Variants in LTBP4 observed in about 807,000 individuals in gnomAD.
LTBP4 encodes the protein latent-transforming growth factor beta-binding protein 4.
Under a neutral mutation model 180.2 loss-of-function variants are expected in LTBP4, and 93 were observed. The observed-to-expected ratio is 0.52, with a 90% CI of 0.44 to 0.61. The LOEUF is 0.61. Ranked by LOEUF, LTBP4 falls within the 20% of genes least tolerant of loss-of-function variation. LTBP4 has a pLI of 0.00. For missense variants in LTBP4, 2,116 were observed against 2,256.5 expected (o/e 0.94, Z 1.26); for synonymous variants, 947 against 934.5 (o/e 1.01, Z -0.24).
rs2081659576 is a variant in LTBP4 at position 40,629,281 on chromosome 19, T to C, written c.4520-115T>C. 2.9e-6 allele frequency: 4 copies of C among 1,382,190 alleles called. No individual in the cohort carries two copies. Among genetic ancestry groups the C allele is most frequent in the South Asian group, 1.2e-5 (1 of 85,168 alleles). 85.6% of individuals were successfully genotyped at this position (1,382,190 alleles called of 1,614,324 possible). ...CAGTTAGCAGATGGCAGAGGCCAGATTGGACTCCAAACTGCTCAGCATCTG... is the reference window on the plus strand; with the variant it reads ...CAGTTAGCAGATGGCAGAGGCCAGACTGGACTCCAAACTGCTCAGCATCTG... On this transcript the variant is annotated intron_variant, in intron 29 of 29. Coordinates refer to ENST00000396819, the MANE Select transcript of LTBP4 (RefSeq NM_001042545.2). The surrounding 1 kb of genome is among the most constrained non-coding windows in gnomAD (Gnocchi z 4.5).
chr19:40,597,212 A>G, upstream of LTBP4: 1 of 1,454,688 alleles, frequency 6.9e-7, no homozygotes, highest in Non-Finnish European at 9.0e-7. Flanking sequence ...GCCCGCCCGG[A>G]GCGGGACTCG....
chr19:40,611,887 A>G lies in LTBP4; in HGVS notation c.2082A>G (p.Pro694=), dbSNP rs1427720290. 9 of 1,607,964 alleles carry G rather than the reference A, an allele frequency of 5.6e-6. No individual in the cohort carries two copies. Among genetic ancestry groups the G allele is most frequent in the Non-Finnish European group, 6.8e-6 (8 of 1,177,572 alleles). Residue 694 remains proline, a synonymous_variant, in exon 14 of 30, where the codon CCA becomes CCG. Transcript: ENST00000396819. This position sits in a 1 kb window ranked among gnomAD's most constrained non-coding sequence, Gnocchi z 4.4. ...QDVDECARSP[P]PCTYGRCENT... Reference sequence around the variant, plus strand: ...TGGATGAGTGTGCCCGAAGCCCCCCACCCTGCACCTACGGCCGGTGTGAGA... The same window carrying G: ...TGGATGAGTGTGCCCGAAGCCCCCCGCCCTGCACCTACGGCCGGTGTGAGA...
chr19:40,619,411 C>T lies in LTBP4; in HGVS notation c.3135C>T (p.Gly1045=). The change falls in exon 22 of 30, where the codon GGC becomes GGT. Residue 1045 remains glycine (G), a synonymous_variant. Transcript: ENST00000396819. ...CTGCCCTGTGTGAAAATGTCGAAGGCTCCTTCCTCTGTGTCTGCCCCAACA... is the reference window on the plus strand; with the variant it reads ...CTGCCCTGTGTGAAAATGTCGAAGGTTCCTTCCTCTGTGTCTGCCCCAACA... ...CGAALCENVE[G]SFLCVCPNSP... is the part of the protein sequence containing the mutation. 3 of 1,613,898 alleles carry T rather than the reference C, an allele frequency of 1.9e-6. No homozygotes were observed. Among genetic ancestry groups the T allele is most frequent in the Non-Finnish European group, 2.5e-6 (3 of 1,179,862 alleles).
chr19:40,594,489 G>A (rs1390797120), intron 1 of LTBP4: 1 of 152,140 alleles, frequency 6.6e-6, no homozygotes, highest in African/African-American at 2.4e-5. Context: ...CATTGAAGAT[G>A]CGCTGGATCC....
upstream of LTBP4, among the ~76,000 whole-genome samples, chr19:40,597,710 G>A (rs2081398562): frequency 6.6e-6 from 1 of 151,966 alleles, no homozygotes; most frequent in Non-Finnish European, 1.5e-5. Context: ...TGGGGTCTTC[G>A]AGCTAGGATG....
In LTBP4 at chr19:40,622,551, C is replaced by T. The variant is rs369221693; in HGVS notation, c.3368C>T (p.Pro1123Leu). The change falls in exon 23 of 30, where the codon CCG (proline) becomes CTG (leucine). Residue 1123 changes from proline (P) to leucine (L), a missense_variant. Physicochemically the swap from Pro to Leu is moderately conservative, Grantham distance 98. This residue lies in a region of LTBP4 where 278 missense variants were observed against 373.0 expected (regional missense o/e 0.75). Coordinates refer to ENST00000396819, the MANE Select transcript of LTBP4 (RefSeq NM_001042545.2). The surrounding 1 kb of genome is among the most constrained non-coding windows in gnomAD (Gnocchi z 5.1). ...RRECYFDTAA[P>L]DACDNILARN... ...GAGTGCTACTTTGACACAGCGGCCC[C>T]GGATGCATGTGACAACATCCTGGCT... 5.1e-5 allele frequency: 82 copies of T among 1,613,718 alleles called. No individual in the cohort carries two copies. Among genetic ancestry groups the T allele is most frequent in the Admixed American group, 3.5e-4 (21 of 59,984 alleles).
chr19:40,598,007 C>A (rs1263903685), upstream of LTBP4, among the ~76,000 whole-genome samples: 1 of 152,028 alleles, frequency 6.6e-6, no homozygotes, highest in Admixed American at 6.6e-5. Flanking sequence ...AATGAGGCTC[C>A]AGTGATTTCA....
Position 40,610,687 on chromosome 19 carries a change from G to C in LTBP4, c.1810+30G>C, listed in dbSNP as rs764039510. The C allele has an allele frequency of 1.0e-5, 16 of 1,563,034 alleles. No homozygotes were observed. In the Middle Eastern group the frequency reaches 5.1e-4, roughly 50 times the overall value. The stretch of plus-strand genomic sequence containing the variant: ...GGGCCTGGGAGGGGCAGCTGGGAAG[G>C]GGTGTGAGCGGTTGGGTAGAGCGCA... On this transcript the variant is annotated intron_variant, in intron 12 of 29. Coordinates refer to ENST00000396819, the MANE Select transcript of LTBP4 (RefSeq NM_001042545.2).
In LTBP4 at chr19:40,609,876, G is replaced by T. The variant is rs1283275212; in HGVS notation, c.1684+5G>T. 5.2e-6 allele frequency: 8 copies of T among 1,544,934 alleles called. No homozygotes were observed. The highest frequency in any genetic ancestry group is 7.0e-6 in the Non-Finnish European group (8 of 1,143,178). Reference sequence around the variant, plus strand: ...CACGGGCTGCGGAATGCCTGGGTGAGAAATTTGCCCCACCCGGCTCCAGGC... The same window carrying T: ...CACGGGCTGCGGAATGCCTGGGTGATAAATTTGCCCCACCCGGCTCCAGGC... On this transcript the variant is annotated splice_donor_5th_base_variant and intron_variant, in intron 11 of 29. Transcript: ENST00000396819. This position sits in a 1 kb window ranked among gnomAD's most constrained non-coding sequence, Gnocchi z 4.9.
In LTBP4 at chr19:40,601,615, G is replaced by C; in HGVS notation, c.228G>C (p.Pro76=). The change falls in exon 1 of 30, where the codon CCG becomes CCC. Residue 76 remains proline (P), a synonymous_variant. Transcript: ENST00000396819. ...VDSGAPGGAA[P]GGPGFRAFLC... The stretch of plus-strand genomic sequence containing the variant: ...GCGGCGCTCCCGGCGGGGCGGCCCC[G>C]GGGGGACCCGGCTTCCGCGCCTGTG... 1 of 1,375,672 alleles carries C rather than the reference G, an allele frequency of 7.3e-7. No homozygotes were observed. Among genetic ancestry groups the C allele is most frequent in the African/African-American group, 1.5e-5 (1 of 65,512 alleles). 85.2% of individuals were successfully genotyped at this position (1,375,672 alleles called of 1,614,324 possible). A position where few individuals can be genotyped will look rare whatever the true frequency, so the allele number is the denominator to read the frequency against.
In LTBP4 at chr19:40,601,491, G is replaced by C; in HGVS notation, c.104G>C (p.Arg35Pro). 6.7e-7 allele frequency: 1 copy of C among 1,494,960 alleles called. No individual in the cohort carries two copies. Among genetic ancestry groups the C allele is most frequent in the Non-Finnish European group, 8.9e-7 (1 of 1,128,900 alleles). 92.6% of individuals were successfully genotyped at this position (1,494,960 alleles called of 1,614,324 possible). Residue 35 changes from arginine (R) to proline (P), a missense_variant, in exon 1 of 30, where the codon CGC (arginine) becomes CCC (proline). Around this residue, in one of 5 missense-constraint regions of LTBP4, gnomAD observed 469 missense variants for 532.5 expected, o/e 0.88. Transcript: ENST00000396819. ...CGGCTCGGAGAGCGTCTCCGCGTGC[G>C]CTTCACCCCGGTCGTGTGCGGCCTG... ...LGRLGERLRV[R>P]FTPVVCGLRC...
In LTBP4 at chr19:40,608,277, T is replaced by C. The variant is rs755690367; in HGVS notation, c.1214T>C (p.Leu405Pro). 4.3e-6 allele frequency: 7 copies of C among 1,613,856 alleles called. No homozygotes were observed. The highest frequency in any genetic ancestry group is 5.9e-6 in the Non-Finnish European group (7 of 1,179,858). ...GPGYHYSASDLRYNTRPLGQE... is the reference protein window; with the variant it reads ...GPGYHYSASDPRYNTRPLGQE... ...GGTTACCACTACTCGGCCTCCGACCTCCGCTACAACACCAGACCCCTGGGC... is the reference window on the plus strand; with the variant it reads ...GGTTACCACTACTCGGCCTCCGACCCCCGCTACAACACCAGACCCCTGGGC... Residue 405 changes from leucine (L) to proline (P), a missense_variant, in exon 8 of 30, where the codon CTC becomes CCC. By Grantham distance (98) the Leu-to-Pro change is moderately conservative. This residue lies in a region of LTBP4 where 877 missense variants were observed against 873.6 expected (regional missense o/e 1.00). Coordinates refer to ENST00000396819, the MANE Select transcript of LTBP4 (RefSeq NM_001042545.2).
rs1157306249 is a variant in LTBP4, at chr19:40,613,801, C to T, written c.2558-115C>T. 12 of 1,468,294 alleles carry T rather than the reference C, an allele frequency of 8.2e-6. No homozygotes were observed. The highest frequency in any genetic ancestry group is 1.1e-5 in the Non-Finnish European group (12 of 1,072,354). 91.0% of individuals were successfully genotyped at this position (1,468,294 alleles called of 1,614,324 possible). A position where few individuals can be genotyped will look rare whatever the true frequency, so the allele number is the denominator to read the frequency against. On this transcript the variant is annotated intron_variant, in intron 17 of 29. Transcript: ENST00000396819. The surrounding 1 kb of genome is among the most constrained non-coding windows in gnomAD (Gnocchi z 5.0). ...TTGCAGGGAGGGAAGTAGCGTGAGGCAGGTTGGGGAAGGCGTGAGAGGCCT... is the reference window on the plus strand; with the variant it reads ...TTGCAGGGAGGGAAGTAGCGTGAGGTAGGTTGGGGAAGGCGTGAGAGGCCT...
In LTBP4 at chr19:40,609,253, CAGGT is replaced by C. The variant is rs2081486820; in HGVS notation, c.1427-273_1427-270del. ...TATCTAATATTAGATAATTATTTCTCAGGTAGGGCACTAAGAATGTATCTCAGGC... is the reference window on the plus strand; with the variant it reads ...TATCTAATATTAGATAATTATTTCTCAGGGCACTAAGAATGTATCTCAGGC... On this transcript the variant is annotated intron_variant, in intron 9 of 29. Coordinates refer to ENST00000396819, the MANE Select transcript of LTBP4 (RefSeq NM_001042545.2). The surrounding 1 kb of genome is among the most constrained non-coding windows in gnomAD (Gnocchi z 4.9). Among the ~76,000 whole-genome samples, 1 of 152,056 alleles carries C rather than the reference CAGGT, an allele frequency of 6.6e-6. No individual in the cohort carries two copies. Among genetic ancestry groups the C allele is most frequent in the Admixed American group, 6.6e-5 (1 of 15,266 alleles).
In LTBP4 at chr19:40,611,255, G is replaced by A. The variant is rs769547604; in HGVS notation, c.1914G>A (p.Ser638=). ...TTTGCCCGGCTGGCTTCCGGGGCTCGGCGTGTGAAGAGGATGTGGATGAGT... is the reference window on the plus strand; with the variant it reads ...TTTGCCCGGCTGGCTTCCGGGGCTCAGCGTGTGAAGAGGATGTGGATGAGT... ...RCVCPAGFRG[S]ACEEDVDECA... Residue 638 remains serine, a synonymous_variant, in exon 13 of 30, where the codon TCG becomes TCA. Coordinates refer to ENST00000396819, the MANE Select transcript of LTBP4 (RefSeq NM_001042545.2). The surrounding 1 kb of genome is among the most constrained non-coding windows in gnomAD (Gnocchi z 4.4). The A allele has an allele frequency of 3.5e-5, 57 of 1,612,576 alleles. No homozygotes were observed. The highest frequency in any genetic ancestry group is 1.7e-4 in the Middle Eastern group (1 of 5,992).
rs2081423123 is a variant in LTBP4, at chr19:40,601,435, G to T, written c.48G>T (p.Leu16=). ...RLLWVSLLVL[L]AQLGPQPGLG... is the part of the protein sequence containing the mutation. ...TCTGGGTGTCGCTATTGGTGCTGCT[G>T]GCGCAGCTAGGGCCGCAGCCTGGAC... Residue 16 remains leucine (L), a synonymous_variant, in exon 1 of 30, where the codon CTG becomes CTT. Coordinates refer to ENST00000396819, the MANE Select transcript of LTBP4 (RefSeq NM_001042545.2). 8 of 1,457,792 alleles carry T rather than the reference G, an allele frequency of 5.5e-6. No individual in the cohort carries two copies. The highest frequency in any genetic ancestry group is 7.2e-6 in the Non-Finnish European group (8 of 1,107,550). 90.3% of individuals were successfully genotyped at this position (1,457,792 alleles called of 1,614,324 possible).
intron 19 of LTBP4, 45 bp from the exon 20 acceptor site, chr19:40,616,844 A>G (rs774313776): frequency 1.9e-6 from 3 of 1,608,558 alleles, no homozygotes; most frequent in Non-Finnish European, 2.5e-6. Context: ...AGAACTTCTG[A>G]ATTCAGGCCT....
chr19:40,601,273 GA>G (rs984019540), upstream of LTBP4: 1 of 828,592 alleles, frequency 1.2e-6, no homozygotes, highest in Non-Finnish European at 1.5e-6. Flanking sequence ...GAGTGGTGAG[GA>G]GGGGGGGCCT....
intron 22 of LTBP4, among the ~76,000 whole-genome samples, chr19:40,620,619 T>C (rs2081579923): frequency 6.6e-6 from 1 of 151,764 alleles, no homozygotes; most frequent in Non-Finnish European, 1.5e-5. Context: ...CTACTAAAAA[T>C]ACAAAAATTA....
Sources: allele counts gnomAD v4.1 joint callset (sites outside exome capture counted in the v4.1 genomes callset), GRCh38; gene constraint gnomAD v4.1.1; regional missense constraint gnomAD v4.1.1; non-coding constraint Gnocchi (gnomAD v3.1); transcripts MANE v1.5; gene names NCBI Gene and HGNC (gene_info 2026-07-23, HGNC 2026-07-21).